The following ZNF737 variants were observed in gnomAD, a reference collection of about 807,000 sequenced individuals.
ZNF737 encodes the protein zinc finger protein 102 (Y3).
Under a neutral mutation model 11.7 loss-of-function variants are expected in ZNF737, and 13 were observed. That is an observed-to-expected ratio of 1.11 (90% CI 0.73 to 1.77). ZNF737 has a LOEUF of 1.77. ZNF737 is among the 40% of genes most tolerant of loss of function. ZNF737 has a pLI of 0.00. For missense variants in ZNF737, 636 were observed against 638.0 expected, an observed-to-expected ratio of 1.00 and a Z score of 0.03; for synonymous variants, 217 against 216.2, an observed-to-expected ratio of 1.00 and a Z score of -0.03.
At chr19:20,537,232 C>G (rs1968005253), downstream of ZNF737, among the ~76,000 whole-genome samples, 1 of 147,970 alleles carries the variant, frequency 6.8e-6, no homozygotes, top group Non-Finnish European at 1.5e-5. Context: ...TGGAGTTTTG[C>G]TCTTGTTGCC....
At chr19:20,554,860 TTC>T (rs1230292586) in intron 1 of ZNF737, among the ~76,000 whole-genome samples, 1 of 115,960 alleles carries the variant, frequency 8.6e-6, no homozygotes, top group African/African-American at 4.1e-5. Flanking sequence ...AAATAAGCAT[TTC>T]TTTTTTTTTT....
chr19:20,544,226 A>G lies in ZNF737; in HGVS notation c.*366T>C. The G allele has an allele frequency of 9.5e-7, 1 of 1,050,176 alleles. No homozygotes were observed. The highest frequency in any genetic ancestry group is 3.5e-5 in the South Asian group (1 of 28,522). The allele number at this position is 1,050,176 out of a possible 1,614,324, so 65.1% of individuals were successfully genotyped here. On this transcript the variant is annotated 3_prime_UTR_variant, in exon 4 of 4. Coordinates refer to ENST00000427401, the MANE Select transcript of ZNF737 (RefSeq NM_001159293.2). ...TGAATTATGTGTAAGAAGGGTTCAG[A>G]ACTTCCTAAAAGCGTTGTCACATTC...
chr19:20,562,599 C>T (rs1282508932), intron 1 of ZNF737, among the ~76,000 whole-genome samples: 1 of 151,718 alleles, frequency 6.6e-6, no homozygotes, highest in Non-Finnish European at 1.5e-5. Context: ...CTCAGGTGAT[C>T]TGCCCACCTC....
chr19:20,542,641 A>T lies in ZNF737; in HGVS notation c.*1951T>A. On this transcript the variant is annotated 3_prime_UTR_variant, in exon 4 of 4. Coordinates refer to ENST00000427401, the MANE Select transcript of ZNF737 (RefSeq NM_001159293.2). ...AATTATTTCTTTGTGTCACTATAATAAAGTATTGCTCTGAACATTTACGTT... is the reference window on the plus strand; with the variant it reads ...AATTATTTCTTTGTGTCACTATAATTAAGTATTGCTCTGAACATTTACGTT... 1.0e-6 allele frequency: 1 copy of T among 977,814 alleles called. No homozygotes were observed. Among genetic ancestry groups the T allele is most frequent in the Non-Finnish European group, 1.2e-6 (1 of 823,092 alleles). 60.6% of individuals were successfully genotyped at this position (977,814 alleles called of 1,614,324 possible).
chr19:20,545,779 T>A lies in ZNF737; in HGVS notation c.424A>T (p.Ser142Cys). The change falls in exon 4 of 4, where the codon AGC becomes TGC. Residue 142 changes from serine to cysteine, a missense_variant. Coordinates refer to ENST00000427401, the MANE Select transcript of ZNF737 (RefSeq NM_001159293.2). ...TATTTATCACACTGAAATATTTTGC[T>A]TTGAGTAGTTGTCAAATATTGGTTA... The part of the protein sequence containing the change: ...GLNQYLTTTQ[S>C]KIFQCDKYVK... The A allele has an allele frequency of 1.2e-6, 2 of 1,613,170 alleles. No homozygotes were observed. The highest frequency in any genetic ancestry group is 1.7e-6 in the Non-Finnish European group (2 of 1,179,676).
At chr19:20,536,443 A>G (rs1967969327), downstream of ZNF737, among the ~76,000 whole-genome samples, 1 of 152,162 alleles carries the variant, frequency 6.6e-6, no homozygotes. Context: ...TGCTATTTCA[A>G]TGCCTCCTTC....
chr19:20,560,869 A>G (rs1555762269), intron 1 of ZNF737, among the ~76,000 whole-genome samples: 2 of 152,230 alleles, frequency 1.3e-5, no homozygotes, highest in Non-Finnish European at 2.9e-5. Context: ...CTAAATAATA[A>G]GAACACACAA....
In ZNF737 at chr19:20,565,776, A is replaced by G; in HGVS notation, c.-136T>C. 3.4e-6 allele frequency: 5 copies of G among 1,449,378 alleles called. No homozygotes were observed. Among genetic ancestry groups the G allele is most frequent in the Non-Finnish European group, 3.9e-6 (4 of 1,031,292 alleles). The allele number at this position is 1,449,378 out of a possible 1,614,324, so 89.8% of individuals were successfully genotyped here. On this transcript the variant is annotated 5_prime_UTR_variant, in exon 1 of 4. Coordinates refer to ENST00000427401, the MANE Select transcript of ZNF737 (RefSeq NM_001159293.2). ...AGACAAGACCTGGAGCTCCGGCTGC[A>G]GAGACAAAGGCCCCGCAAAACCCGG...
rs1246903903 is a variant in ZNF737 at position 20,560,082 on chromosome 19, C to T, written c.3+5556G>A. On this transcript the variant is annotated intron_variant, in intron 1 of 3. Transcript: ENST00000427401. ...TCGGGAGGCTGAGGCAGGAGAATGG[C>T]GTGAACCCGGGAAGCGGAGCTTGCA... Among the ~76,000 whole-genome samples, 10 of 146,916 alleles carry T rather than the reference C, an allele frequency of 6.8e-5. No homozygotes were observed. The South Asian group carries it at 1.1e-3, about 16-fold the overall frequency.
Position 20,544,678 on chromosome 19 carries a change from A to G in ZNF737, c.1525T>C (p.Tyr509His), listed in dbSNP as rs1968355453. The G allele has an allele frequency of 6.2e-7, 1 of 1,606,884 alleles. No individual in the cohort carries two copies. Among genetic ancestry groups the G allele is most frequent in the Non-Finnish European group, 8.5e-7 (1 of 1,177,474 alleles). The change falls in exon 4 of 4, where the codon TAC becomes CAC. Residue 509 changes from tyrosine (Y) to histidine (H), a missense_variant. Coordinates refer to ENST00000427401, the MANE Select transcript of ZNF737 (RefSeq NM_001159293.2). ...CCTTTGCCACATTCTTCACATTTGT[A>G]GGGTTTCTCTCCAGTATGAATTCTC... ...HKRIHTGEKPYKCEECGKGFK... is the reference protein window; with the variant it reads ...HKRIHTGEKPHKCEECGKGFK...
chr19:20,544,017 A>T lies in ZNF737; in HGVS notation c.*575T>A. On this transcript the variant is annotated 3_prime_UTR_variant, in exon 4 of 4. Transcript: ENST00000427401. ...TTGGAGGACACCTGTAATCCCAGCT[A>T]CTCAGGAAGCTGAGGTAGGAGAATG... 1 of 642,398 alleles carries T rather than the reference A, an allele frequency of 1.6e-6. No individual in the cohort carries two copies. Among genetic ancestry groups the T allele is most frequent in the Non-Finnish European group, 1.9e-6 (1 of 517,118 alleles). The allele number at this position is 642,398 out of a possible 1,614,324, so 39.8% of individuals were successfully genotyped here. A position where few individuals can be genotyped will look rare whatever the true frequency, so the allele number is the denominator to read the frequency against.
Position 20,553,852 on chromosome 19 carries a change from A to C in ZNF737, c.4-17T>G. 4 of 1,604,274 alleles carry C rather than the reference A, an allele frequency of 2.5e-6. No individual in the cohort carries two copies. The highest frequency in any genetic ancestry group is 3.4e-6 in the Non-Finnish European group (4 of 1,177,644). The stretch of plus-strand genomic sequence containing the variant: ...CAATGGCCCCTGAAACACACACACA[A>C]CATACGTTTTTACCAAGTAGCCAAG... On this transcript the variant is annotated splice_polypyrimidine_tract_variant and intron_variant, in intron 1 of 3. Coordinates refer to ENST00000427401, the MANE Select transcript of ZNF737 (RefSeq NM_001159293.2).
chr19:20,548,533 C>T (rs1462712985), intron 3 of ZNF737, among the ~76,000 whole-genome samples: 85 of 152,028 alleles, frequency 5.6e-4, no homozygotes, highest in Admixed American at 5.4e-3. Context: ...ACTTAATGGT[C>T]AATGGCTTTT....
At position 20,542,013 on chromosome 19, in the gene ZNF737, T is replaced by C; in HGVS notation, c.*2579A>G. Reference sequence around the variant, plus strand: ...TAATAAAGAGTCAAAATTTAATCTATGGGAACAATATTTAACTCATTTGCA... The same window carrying C: ...TAATAAAGAGTCAAAATTTAATCTACGGGAACAATATTTAACTCATTTGCA... On this transcript the variant is annotated 3_prime_UTR_variant, in exon 4 of 4. Transcript: ENST00000427401. 1.0e-6 allele frequency: 1 copy of C among 983,964 alleles called. No homozygotes were observed. The highest frequency in any genetic ancestry group is 1.2e-6 in the Non-Finnish European group (1 of 828,668). 61.0% of individuals were successfully genotyped at this position (983,964 alleles called of 1,614,324 possible). A position where few individuals can be genotyped will look rare whatever the true frequency, so the allele number is the denominator to read the frequency against.
chr19:20,552,545 G>C lies in ZNF737; in HGVS notation c.156C>G (p.Leu52=), dbSNP rs374107598. 835 of 1,591,572 alleles carry C rather than the reference G, an allele frequency of 5.2e-4. 8 individuals carry two copies. The highest frequency in any genetic ancestry group is 3.7e-3 in the South Asian group (324 of 86,674). Residue 52 remains leucine, a synonymous_variant, in exon 3 of 4, where the codon CTC becomes CTG. Coordinates refer to ENST00000427401, the MANE Select transcript of ZNF737 (RefSeq NM_001159293.2). ...FLGIVVSKPD[L]ITCLEQGKKP... ...TTTTTCCTTGCTCCAGACAGGTGAT[G>C]AGGTCTGGCTTAGAGACAACAATAC...
rs556997571 is a variant in ZNF737, at chr19:20,540,715, C to T, written c.*3877G>A. 5.1e-5 allele frequency: 37 copies of T among 725,472 alleles called. No homozygotes were observed. The highest frequency in any genetic ancestry group is 2.5e-4 in the Admixed American group (4 of 15,908). The allele number at this position is 725,472 out of a possible 1,614,324, so 44.9% of individuals were successfully genotyped here. A position where few individuals can be genotyped will look rare whatever the true frequency, so the allele number is the denominator to read the frequency against. On this transcript the variant is annotated 3_prime_UTR_variant, in exon 4 of 4. Transcript: ENST00000427401. ...TGGAGGTTGCCATGAGCTGAGATCA[C>T]GCCACTGCTCTCCAGCCTGGAAGAC...
Position 20,556,516 on chromosome 19 carries a change from G to C in ZNF737, c.4-2681C>G, listed in dbSNP as rs541061853. Among the ~76,000 whole-genome samples, 10 of 152,300 alleles carry C rather than the reference G, an allele frequency of 6.6e-5. No individual in the cohort carries two copies. In the East Asian group the frequency reaches 1.9e-3, roughly 29 times the overall value. ...GCTCCACTTTATGTAATGTGATTCT[G>C]CAGGTTTGAAAAGGGTCCATGAATG... On this transcript the variant is annotated intron_variant, in intron 1 of 3. Coordinates refer to ENST00000427401, the MANE Select transcript of ZNF737 (RefSeq NM_001159293.2).
In ZNF737 at chr19:20,538,621, C is replaced by G. The variant is rs530372307; in HGVS notation, c.*5971G>C. On this transcript the variant is annotated 3_prime_UTR_variant, in exon 4 of 4. Coordinates refer to ENST00000427401, the MANE Select transcript of ZNF737 (RefSeq NM_001159293.2). ...ATTTTCAAGTGCTATTTCTTTACAGCTCCAGAGAACAAACATTTCTAAAAC... is the reference window on the plus strand; with the variant it reads ...ATTTTCAAGTGCTATTTCTTTACAGGTCCAGAGAACAAACATTTCTAAAAC... The G allele has an allele frequency of 5.0e-5, 49 of 980,098 alleles. No individual in the cohort carries two copies. The highest frequency in any genetic ancestry group is 5.2e-4 in the Middle Eastern group (1 of 1,928). 60.7% of individuals were successfully genotyped at this position (980,098 alleles called of 1,614,324 possible). A position where few individuals can be genotyped will look rare whatever the true frequency, so the allele number is the denominator to read the frequency against.
rs1968219655 is a variant in ZNF737, at chr19:20,541,880, T to G, written c.*2712A>C. 3.4e-6 allele frequency: 1 copy of G among 297,538 alleles called. No individual in the cohort carries two copies. The highest frequency in any genetic ancestry group is 2.3e-5 in the African/African-American group (1 of 43,894). 18.4% of individuals were successfully genotyped at this position (297,538 alleles called of 1,614,324 possible). On this transcript the variant is annotated 3_prime_UTR_variant, in exon 4 of 4. Transcript: ENST00000427401. ...TGCTAGAGGTGATGGATACCTTATT[T>G]ACCATAATGTAATTACTACATATTG...
Sources: allele counts gnomAD v4.1 joint callset (sites outside exome capture counted in the v4.1 genomes callset), GRCh38; gene constraint gnomAD v4.1.1; transcripts MANE v1.5; gene names NCBI Gene and HGNC (gene_info 2026-07-23, HGNC 2026-07-21).